IFT74: variants seen among roughly 807,000 people sequenced by gnomAD.
IFT74 encodes intraflagellar transport protein 74 homolog.
IFT74 carries 92 observed loss-of-function variants against 96.7 expected under a neutral mutation model. The observed-to-expected ratio is 0.95, with a 90% CI of 0.80 to 1.13. IFT74 has a LOEUF of 1.13. IFT74 is among the 50% of genes most tolerant of loss of function. The probability of loss-of-function intolerance (pLI) is 0.00; values close to 1 mark genes in which losing one functional copy is unlikely to be tolerated. For synonymous variants in IFT74, 223 were observed against 213.2 expected, an observed-to-expected ratio of 1.05 and a Z score of -0.40; for missense variants, 811 against 698.2, an observed-to-expected ratio of 1.16 and a Z score of -1.82.
At position 26,998,336 on chromosome 9, in the gene IFT74, G is replaced by A. The variant is rs1396881243; in HGVS notation, c.587+8141G>A. ...TTAAGCACTTAGACATTAGAAGGAC[G>A]TTATTTTGGGAAAAAAACCTACTAT... On this transcript the variant is annotated intron_variant, in intron 8 of 19. Coordinates refer to ENST00000380062, the MANE Select transcript of IFT74 (RefSeq NM_025103.4). The A allele has an allele frequency of 5.3e-5, 38 of 715,604 alleles. No homozygotes were observed. In the East Asian group the frequency reaches 8.2e-4, roughly 15 times the overall value. 44.3% of individuals were successfully genotyped at this position (715,604 alleles called of 1,614,324 possible). A position where few individuals can be genotyped will look rare whatever the true frequency, so the allele number is the denominator to read the frequency against.
intron 3 of IFT74, among the ~76,000 whole-genome samples, chr9:26,979,006 T>C (rs958192106): frequency 2.0e-5 from 3 of 152,140 alleles, no homozygotes; most frequent in Admixed American, 2.0e-4. Context: ...CAGTAGCCTG[T>C]GGTGAGCTGT....
At chr9:27,005,704 C>A (rs1213933688) in intron 8 of IFT74, 1 of 150,930 alleles carries the variant, frequency 6.6e-6, no homozygotes, top group African/African-American at 2.4e-5. Flanking sequence ...AACCTTTGTA[C>A]CCAGTGAACA....
chr9:27,037,430 T>A (rs543886374), intron 13 of IFT74, among the ~76,000 whole-genome samples: 1 of 152,140 alleles, frequency 6.6e-6, no homozygotes, highest in African/African-American at 2.4e-5. Flanking sequence ...TGGAAAGTAG[T>A]ACAGCCACAC....
intron 2 of IFT74, among the ~76,000 whole-genome samples, chr9:26,962,635 AC>A (rs1159914525): frequency 1.3e-4 from 20 of 152,220 alleles, no homozygotes; most frequent in African/African-American, 4.6e-4. Context: ...CCTCTCTTAT[AC>A]CTTTTATCAG....
At chr9:26,979,878 A>G (rs1289088246) in intron 3 of IFT74, among the ~76,000 whole-genome samples, 8 of 151,674 alleles carry the variant, frequency 5.3e-5, no homozygotes, top group Admixed American at 5.3e-4. Flanking sequence ...ATGCCCAGCT[A>G]ATTTTTTTGT....
intron 6 of IFT74, among the ~76,000 whole-genome samples, chr9:26,988,109 C>T (rs2131548710): frequency 1.3e-5 from 2 of 152,032 alleles, no homozygotes; most frequent in East Asian, 3.9e-4. Flanking sequence ...TGTGCCACCA[C>T]ACCCGGCTAA....
chr9:26,973,058 A>G (rs1826946647), intron 2 of IFT74, among the ~76,000 whole-genome samples: 2 of 152,154 alleles, frequency 1.3e-5, no homozygotes, highest in Admixed American at 6.5e-5. Flanking sequence ...GTCCATCAAT[A>G]TTGTTGTTTT....
intron 11 of IFT74, 51 bp downstream of exon 11, chr9:27,017,101 A>G: frequency 6.7e-7 from 1 of 1,502,426 alleles, no homozygotes; most frequent in Non-Finnish European, 9.0e-7. Context: ...TGGTACATGT[A>G]TTGATTTGTT....
chr9:27,029,794 T>C (rs1431512810), intron 13 of IFT74, among the ~76,000 whole-genome samples: 2 of 152,148 alleles, frequency 1.3e-5, no homozygotes, highest in Admixed American at 6.6e-5. Flanking sequence ...AGTCAACTAC[T>C]AATGGCAGTA....
chr9:26,972,248 A>G (rs1246011281), intron 2 of IFT74, among the ~76,000 whole-genome samples: 1 of 152,034 alleles, frequency 6.6e-6, no homozygotes, highest in Non-Finnish European at 1.5e-5. Flanking sequence ...TGAGTCAGTG[A>G]TTCACCTCTC....
At chr9:27,055,324 A>T (rs770460954) in intron 16 of IFT74, among the ~76,000 whole-genome samples, 1 of 152,142 alleles carries the variant, frequency 6.6e-6, no homozygotes. Flanking sequence ...TATAGATTAT[A>T]TTACTAAGCA....
chr9:27,000,342 C>G (rs10967652), intron 8 of IFT74, among the ~76,000 whole-genome samples: 2 of 151,878 alleles, frequency 1.3e-5, no homozygotes, highest in East Asian at 3.9e-4. Context: ...TTCAGGAAAA[C>G]GTATATTTAT....
chr9:26,989,094 A>T (rs1209000348), intron 7 of IFT74, among the ~76,000 whole-genome samples: 2 of 152,232 alleles, frequency 1.3e-5, no homozygotes, highest in Non-Finnish European at 2.9e-5. Context: ...AACTTTACAT[A>T]GTTTTTGTCA....
chr9:27,053,064 C>T (rs1820003114), intron 16 of IFT74, among the ~76,000 whole-genome samples: 1 of 151,392 alleles, frequency 6.6e-6, no homozygotes, highest in Non-Finnish European at 1.5e-5. Context: ...GGGGTTTCAC[C>T]GTGTTAGCCA....
At chr9:26,984,684 C>G in intron 6 of IFT74, 125 bp downstream of exon 6, 1 of 660,720 alleles carries the variant, frequency 1.5e-6, no homozygotes, top group South Asian at 2.2e-5. Context: ...AAACATGCAG[C>G]CAACAAGCAT....
At chr9:26,948,917 T>C (rs542076584) in intron 1 of IFT74, among the ~76,000 whole-genome samples, 1 of 152,276 alleles carries the variant, frequency 6.6e-6, no homozygotes, top group Admixed American at 6.5e-5. Flanking sequence ...ATGCTCTCCA[T>C]GTCTCTATGC....
chr9:27,012,462 C>T (rs186145910), intron 10 of IFT74, among the ~76,000 whole-genome samples: 87 of 152,170 alleles, frequency 5.7e-4, no homozygotes, highest in Non-Finnish European at 1.1e-3. Flanking sequence ...AAGCAATGCT[C>T]CTGCCTTGGC....
chr9:26,958,609 C>G (rs1826220763), intron 1 of IFT74, among the ~76,000 whole-genome samples: 1 of 152,134 alleles, frequency 6.6e-6, no homozygotes, highest in African/African-American at 2.4e-5. Context: ...AAATTTCTTA[C>G]TTGTGTGACT....
intron 8 of IFT74, among the ~76,000 whole-genome samples, chr9:27,002,788 C>A (rs947911563): frequency 6.6e-6 from 1 of 152,076 alleles, no homozygotes; most frequent in Non-Finnish European, 1.5e-5. Flanking sequence ...TTTATGGTTC[C>A]ATATGAATTT....
Sources: gnomAD v4.1 joint callset for allele counts (sites outside exome capture counted in the v4.1 genomes callset) on GRCh38, gnomAD v4.1.1 for gene constraint, MANE v1.5 for transcripts, NCBI Gene and HGNC (gene_info 2026-07-23, HGNC 2026-07-21) for gene names.